The following NDUFS4 variants were observed in gnomAD, a reference collection of about 807,000 sequenced individuals.
The protein encoded by NDUFS4 is NADH dehydrogenase [ubiquinone] iron-sulfur protein 4, mitochondrial.
A neutral mutation model predicts 24.3 loss-of-function variants in NDUFS4; 28 were observed. The observed-to-expected ratio is 1.15, with a 90% CI of 0.85 to 1.58. The LOEUF (loss-of-function observed/expected upper bound fraction) is 1.58, where lower values mean the gene tolerates loss of function less well. Among genes scored for constraint, NDUFS4 ranks in the 40% most tolerant of loss-of-function variants. The probability of loss-of-function intolerance (pLI) is 0.00; values close to 1 mark genes in which losing one functional copy is unlikely to be tolerated. For missense variants in NDUFS4, 223 were observed against 207.9 expected (o/e 1.07, Z -0.45); for synonymous variants, 93 against 69.7 (o/e 1.34, Z -1.67).
At chr5:53,566,832 C>A (rs1749042150) in intron 1 of NDUFS4, among the ~76,000 whole-genome samples, 1 of 150,610 alleles carries the variant, frequency 6.6e-6, no homozygotes, top group African/African-American at 2.5e-5. Context: ...GCAGTTTTTC[C>A]TCCCCCACCG....
At chr5:53,575,038 G>A (rs1046767592) in intron 1 of NDUFS4, among the ~76,000 whole-genome samples, 1 of 152,138 alleles carries the variant, frequency 6.6e-6, no homozygotes, top group Non-Finnish European at 1.5e-5. Context: ...TGTTGCCACC[G>A]CATGTGGCTA....
chr5:53,668,299 C>T (rs988105169), intron 4 of NDUFS4, among the ~76,000 whole-genome samples: 1 of 152,046 alleles, frequency 6.6e-6, no homozygotes, highest in African/African-American at 2.4e-5. Flanking sequence ...AGATAAAAGC[C>T]TACCTGTTAT....
chr5:53,620,651 A>T (rs183877563), intron 2 of NDUFS4, among the ~76,000 whole-genome samples: 1 of 152,194 alleles, frequency 6.6e-6, no homozygotes, highest in Non-Finnish European at 1.5e-5. Context: ...GAAACTTTCT[A>T]CCTATTCTTA....
At chr5:53,660,582 T>C (rs1472523580) in intron 4 of NDUFS4, among the ~76,000 whole-genome samples, 2 of 152,290 alleles carry the variant, frequency 1.3e-5, no homozygotes, top group Middle Eastern at 3.4e-3. Context: ...CACACTGACT[T>C]CCACAATGGT....
chr5:53,639,240 A>G (rs1284261835), intron 2 of NDUFS4, among the ~76,000 whole-genome samples: 1 of 151,658 alleles, frequency 6.6e-6, no homozygotes, highest in Non-Finnish European at 1.5e-5. Flanking sequence ...TTAGAATTTT[A>G]ATACTTAGCA....
chr5:53,629,283 A>C (rs1751326568), intron 2 of NDUFS4, among the ~76,000 whole-genome samples: 1 of 152,056 alleles, frequency 6.6e-6, no homozygotes, highest in African/African-American at 2.4e-5. Context: ...TTTGCTGAGG[A>C]GTGTTTTACT....
At chr5:53,623,668 A>G (rs992557138) in intron 2 of NDUFS4, among the ~76,000 whole-genome samples, 13 of 152,158 alleles carry the variant, frequency 8.5e-5, no homozygotes, top group African/African-American at 3.1e-4. Context: ...TTTCTTCTCA[A>G]AGTTTTACAG....
At chr5:53,644,425 TA>T (rs1181655514) in intron 2 of NDUFS4, among the ~76,000 whole-genome samples, 1 of 152,100 alleles carries the variant, frequency 6.6e-6, no homozygotes, top group Non-Finnish European at 1.5e-5. Flanking sequence ...CAGATTAATC[TA>T]AAGATATATA....
intron 1 of NDUFS4, among the ~76,000 whole-genome samples, chr5:53,598,118 G>T (rs1003208686): frequency 1.1e-4 from 16 of 152,212 alleles, no homozygotes; most frequent in African/African-American, 3.9e-4. Context: ...TGCTGGCAAG[G>T]ATGAAGAGAG....
chr5:53,628,245 T>C (rs2112486238), intron 2 of NDUFS4, among the ~76,000 whole-genome samples: 1 of 152,316 alleles, frequency 6.6e-6, no homozygotes, highest in Middle Eastern at 3.4e-3. Flanking sequence ...TTGATTGTGG[T>C]GGATAAGCTT....
At chr5:53,639,883 A>G (rs1043629518) in intron 2 of NDUFS4, among the ~76,000 whole-genome samples, 1 of 152,172 alleles carries the variant, frequency 6.6e-6, no homozygotes, top group African/African-American at 2.4e-5. Context: ...GGAAATTTAC[A>G]TCTCAAAGGC....
intron 1 of NDUFS4, among the ~76,000 whole-genome samples, chr5:53,580,081 G>A (rs149559393): frequency 3.9e-5 from 6 of 152,174 alleles, no homozygotes; most frequent in South Asian, 2.1e-4. Context: ...CACAAATTTC[G>A]TAGTAATTTG....
chr5:53,622,824 A>T (rs1751091743), intron 2 of NDUFS4, among the ~76,000 whole-genome samples: 1 of 152,176 alleles, frequency 6.6e-6, no homozygotes, highest in Admixed American at 6.5e-5. Context: ...CATCACCACT[A>T]TTTCCGGAGC....
intron 4 of NDUFS4, among the ~76,000 whole-genome samples, 172 bp from the exon 5 acceptor site, chr5:53,682,946 G>A (rs1249298292): frequency 6.6e-6 from 1 of 151,480 alleles, no homozygotes; most frequent in African/African-American, 2.4e-5. Flanking sequence ...TTCTCACAGA[G>A]GATTGATTAT....
chr5:53,601,551 T>C lies in NDUFS4; in HGVS notation c.99-1901T>C, dbSNP rs71619969. Among the ~76,000 whole-genome samples the C allele has an allele frequency of 5.4e-3, 826 of 152,326 alleles. 9 individuals are homozygous for C. Among genetic ancestry groups the C allele is most frequent in the Non-Finnish European group, 6.4e-3 (432 of 68,016 alleles). Reference sequence around the variant, plus strand: ...GGGTACAGAGTTTTAATCTACCTAATAATTTGCACTGTTTTCATCTAACAG... The same window carrying C: ...GGGTACAGAGTTTTAATCTACCTAACAATTTGCACTGTTTTCATCTAACAG... On this transcript the variant is annotated intron_variant, in intron 1 of 4. Coordinates refer to ENST00000296684, the MANE Select transcript of NDUFS4 (RefSeq NM_002495.4).
chr5:53,609,919 A>G (rs1750645269), intron 2 of NDUFS4, among the ~76,000 whole-genome samples: 2 of 152,150 alleles, frequency 1.3e-5, no homozygotes, highest in African/African-American at 4.8e-5. Flanking sequence ...AATTAAGGGA[A>G]TGTTGTAGCT....
intron 2 of NDUFS4, among the ~76,000 whole-genome samples, chr5:53,625,078 T>A (rs1751174486): frequency 6.6e-6 from 1 of 152,112 alleles, no homozygotes; most frequent in Admixed American, 6.6e-5. Flanking sequence ...CCTGAGTAGC[T>A]GGGAATATAG....
chr5:53,655,406 T>A (rs1554059913), intron 3 of NDUFS4, among the ~76,000 whole-genome samples: 2 of 151,852 alleles, frequency 1.3e-5, no homozygotes, highest in Non-Finnish European at 2.9e-5. Context: ...AATCATCCTT[T>A]ATGTGCTCTT....
At chr5:53,610,892 A>T (rs546056658) in intron 2 of NDUFS4, among the ~76,000 whole-genome samples, 3 of 152,110 alleles carry the variant, frequency 2.0e-5, no homozygotes, top group Non-Finnish European at 4.4e-5. Flanking sequence ...CCTTTTAATC[A>T]TCGCAGTTCT....
Sources: allele counts gnomAD v4.1 joint callset (sites outside exome capture counted in the v4.1 genomes callset), GRCh38; gene constraint gnomAD v4.1.1; transcripts MANE v1.5; gene names NCBI Gene and HGNC (gene_info 2026-07-23, HGNC 2026-07-21).